The following LINGO2 variants were observed in gnomAD, a reference collection of about 807,000 sequenced individuals.
LINGO2 encodes the protein leucine rich repeat and Ig domain containing 2.
Under a neutral mutation model 30.6 loss-of-function variants are expected in LINGO2, and 14 were observed. The observed-to-expected ratio is 0.46, with a 90% confidence interval of 0.30 to 0.72. LINGO2 has a LOEUF of 0.72. Among genes scored for constraint, LINGO2 ranks in the 30% least tolerant of loss-of-function variants. The pLI is 0.07. For missense variants in LINGO2, 729 were observed against 751.7 expected (o/e 0.97, Z 0.35); for synonymous variants, 317 against 288.5 (o/e 1.10, Z -1.00).
chr9:28,497,976 A>C (rs1359060688), intron 1 of LINGO2, among the ~76,000 whole-genome samples: 1 of 152,182 alleles, frequency 6.6e-6, no homozygotes, highest in African/African-American at 2.4e-5. Flanking sequence ...AACAGGTAAT[A>C]CTGCTGAATA....
chr9:28,802,592 T>C, the LINGO2 span, among the ~76,000 whole-genome samples: 1 of 151,864 alleles, frequency 6.6e-6, no homozygotes, highest in Non-Finnish European at 1.5e-5. Flanking sequence ...TTGTCTCTAA[T>C]ATGGAAGAAA....
the LINGO2 span, among the ~76,000 whole-genome samples, chr9:28,691,372 C>T: frequency 2.0e-5 from 3 of 152,164 alleles, no homozygotes; most frequent in African/African-American, 7.2e-5. Context: ...TGAAACAAAA[C>T]TATTCACAGA....
the LINGO2 span, among the ~76,000 whole-genome samples, chr9:28,867,241 G>A: frequency 6.6e-6 from 1 of 151,826 alleles, no homozygotes; most frequent in Non-Finnish European, 1.5e-5. Context: ...GAAAATAGTA[G>A]AGCAAGTAAA....
At chr9:28,361,403 A>G (rs1261640906) in intron 3 of LINGO2, among the ~76,000 whole-genome samples, 1 of 152,176 alleles carries the variant, frequency 6.6e-6, no homozygotes, top group African/African-American at 2.4e-5. Flanking sequence ...CTTAGAACAC[A>G]TCTCTTGCAG....
the LINGO2 span, among the ~76,000 whole-genome samples, chr9:28,703,194 C>T: frequency 6.5e-4 from 99 of 151,634 alleles, no homozygotes; most frequent in Non-Finnish European, 1.1e-3. Flanking sequence ...TTATAACGTT[C>T]TAAGGTGAAA....
the LINGO2 span, among the ~76,000 whole-genome samples, chr9:28,886,657 G>A: frequency 5.3e-5 from 8 of 151,826 alleles, no homozygotes; most frequent in African/African-American, 1.9e-4. Context: ...TTGATTTCCC[G>A]CTTTTACAGG....
chr9:28,848,444 T>G, the LINGO2 span, among the ~76,000 whole-genome samples: 1 of 134,250 alleles, frequency 7.4e-6, no homozygotes, highest in Non-Finnish European at 1.6e-5. Flanking sequence ...ATATAGTATA[T>G]ATACCATGTG....
At chr9:28,223,766 A>T (rs1164976982) in intron 4 of LINGO2, among the ~76,000 whole-genome samples, 2 of 152,154 alleles carry the variant, frequency 1.3e-5, no homozygotes, top group African/African-American at 4.8e-5. Context: ...CTGCCTGTAC[A>T]TTGCCTATGG....
chr9:28,667,716 C>T (rs1828858614), intron 1 of LINGO2, among the ~76,000 whole-genome samples: 1 of 152,108 alleles, frequency 6.6e-6, no homozygotes, highest in Admixed American at 6.5e-5. Context: ...TGCACTCCAG[C>T]CTGGGAAACA....
intron 4 of LINGO2, among the ~76,000 whole-genome samples, chr9:28,033,309 G>C (rs941338551): frequency 2.6e-5 from 4 of 152,130 alleles, no homozygotes; most frequent in Non-Finnish European, 1.5e-5. Flanking sequence ...AGTGATGGGG[G>C]TGGGGCAAGA....
At chr9:28,774,986 C>G in the LINGO2 span, among the ~76,000 whole-genome samples, 526 of 125,686 alleles carry the variant, frequency 4.2e-3, 3 homozygotes, top group South Asian at 6.1e-3. Flanking sequence ...TTTGTCAAAG[C>G]TTTGCTTTTT....
At chr9:28,001,467 G>A (rs1471759460) in intron 5 of LINGO2, among the ~76,000 whole-genome samples, 1 of 152,196 alleles carries the variant, frequency 6.6e-6, no homozygotes, top group African/African-American at 2.4e-5. Context: ...TCAACTCCCA[G>A]ATAAGAAAAC....
the LINGO2 span, among the ~76,000 whole-genome samples, chr9:28,932,748 C>T: frequency 2.6e-5 from 4 of 152,032 alleles, no homozygotes; most frequent in African/African-American, 9.7e-5. Context: ...CATCTAATTG[C>T]AAAGTTGTAT....
intron 4 of LINGO2, among the ~76,000 whole-genome samples, chr9:28,282,254 A>G (rs1373167826): frequency 6.6e-6 from 1 of 152,164 alleles, no homozygotes; most frequent in African/African-American, 2.4e-5. Context: ...ACAGCTCACA[A>G]GGGTGTCCCA....
the LINGO2 span, among the ~76,000 whole-genome samples, chr9:28,932,005 GGCT>G: frequency 1.3e-5 from 2 of 151,770 alleles, no homozygotes; most frequent in African/African-American, 4.8e-5. Flanking sequence ...CAGCTAGGGA[GGCT>G]GAGGCAGAAA....
chr9:28,652,489 A>G (rs1008968762), intron 1 of LINGO2, among the ~76,000 whole-genome samples: 4 of 152,152 alleles, frequency 2.6e-5, no homozygotes, highest in African/African-American at 9.7e-5. Context: ...CACTACAGAG[A>G]TAGAAGCAGA....
intron 1 of LINGO2, among the ~76,000 whole-genome samples, chr9:28,656,872 A>C (rs1327846105): frequency 6.6e-6 from 1 of 152,076 alleles, no homozygotes; most frequent in Non-Finnish European, 1.5e-5. Flanking sequence ...TAGATAATTA[A>C]ATAGCTTCAC....
At chr9:28,660,159 A>G (rs1043408094) in intron 1 of LINGO2, among the ~76,000 whole-genome samples, 1 of 152,180 alleles carries the variant, frequency 6.6e-6, no homozygotes, top group Non-Finnish European at 1.5e-5. Flanking sequence ...CACCTATATT[A>G]TTGTGAAAGT....
the LINGO2 span, among the ~76,000 whole-genome samples, chr9:28,867,443 C>A: frequency 1.3e-5 from 2 of 150,438 alleles, no homozygotes; most frequent in South Asian, 4.2e-4. Context: ...CTAGCCATAG[C>A]TGAGCTAAAT....
Sources: gnomAD v4.1 joint callset for allele counts (sites outside exome capture counted in the v4.1 genomes callset) on GRCh38, gnomAD v4.1.1 for gene constraint, MANE v1.5 for transcripts, NCBI Gene and HGNC (gene_info 2026-07-23, HGNC 2026-07-21) for gene names.